ANO10: variants seen among roughly 807,000 people sequenced by gnomAD.
ANO10 encodes anoctamin-10.
Under a neutral mutation model 74.7 loss-of-function variants are expected in ANO10, and 77 were observed. The ratio of observed to expected loss-of-function variants is 1.03; its 90% CI spans 0.86 to 1.25. ANO10 has a LOEUF of 1.25. ANO10 is among the 50% of genes most tolerant of loss of function. The probability of loss-of-function intolerance (pLI) is 0.00; values close to 1 mark genes in which losing one functional copy is unlikely to be tolerated. For synonymous variants in ANO10, 279 were observed against 284.9 expected (o/e 0.98, Z 0.21); for missense variants, 721 against 778.1 (o/e 0.93, Z 0.87).
rs115275985 is a variant in ANO10 at position 43,621,630 on chromosome 3, C to A, written c.-12+279G>T. The A allele has an allele frequency of 8.9e-3, 1,363 of 152,798 alleles. 23 individuals are homozygous for A. The highest frequency in any genetic ancestry group is 0.03 in the African/African-American group (1,264 of 41,556). 9.5% of individuals were successfully genotyped at this position (152,798 alleles called of 1,614,324 possible). A position where few individuals can be genotyped will look rare whatever the true frequency, so the allele number is the denominator to read the frequency against. ...ACCGCCTTTCTCTCAGGACTCAAACCCTCGCCCCAGACCCATAATCCCCTC... is the reference window on the plus strand; with the variant it reads ...ACCGCCTTTCTCTCAGGACTCAAACACTCGCCCCAGACCCATAATCCCCTC... On this transcript the variant is annotated intron_variant, in intron 1 of 12. Coordinates refer to ENST00000292246, the MANE Select transcript of ANO10 (RefSeq NM_018075.5).
At chr3:43,690,870 A>C in intron 1 of ANO10, 3 of 1,061,886 alleles carry the variant, frequency 2.8e-6, no homozygotes, top group Non-Finnish European at 3.8e-6. Flanking sequence ...GGGCCGTGCT[A>C]GTGCGCGGAA....
rs772308698 is a variant in ANO10 at position 43,561,298 on chromosome 3, C to T, written c.1398G>A (p.Lys466=). Residue 466 remains lysine, a synonymous_variant, in exon 9 of 13, where the codon AAG becomes AAA. Transcript: ENST00000292246. ...QRKHGVRVKR[K]VQALKADIDA... Reference sequence around the variant, plus strand: ...CAATGTCTGCCTTTAAAGCCTGCACCTTCCTCTTCACCCGCACACCATGCT... The same window carrying T: ...CAATGTCTGCCTTTAAAGCCTGCACTTTCCTCTTCACCCGCACACCATGCT... 4 of 1,614,130 alleles carry T rather than the reference C, an allele frequency of 2.5e-6. 1 individual carries two copies. In the South Asian group the frequency reaches 3.3e-5, roughly 13 times the overall value.
intron 11 of ANO10, 113 bp from the exon 12 acceptor site, chr3:43,432,840 A>G: frequency 1.3e-6 from 1 of 782,436 alleles, no homozygotes; most frequent in Non-Finnish European, 2.2e-6. Flanking sequence ...GGTAATTTCT[A>G]AGTATTGGCC....
At chr3:43,540,691 C>A (rs537262577) in intron 11 of ANO10, among the ~76,000 whole-genome samples, 76 of 152,180 alleles carry the variant, frequency 5.0e-4, no homozygotes, top group Non-Finnish European at 9.1e-4. Context: ...CATCCTCACA[C>A]CAATGCCCAC....
intron 11 of ANO10, among the ~76,000 whole-genome samples, chr3:43,525,779 T>G (rs1241077306): frequency 6.6e-6 from 1 of 152,170 alleles, no homozygotes; most frequent in East Asian, 1.9e-4. Flanking sequence ...TTCAAATTTG[T>G]TCCTCTCCAT....
At chr3:43,543,788 C>T (rs998879718) in intron 11 of ANO10, among the ~76,000 whole-genome samples, 3 of 152,128 alleles carry the variant, frequency 2.0e-5, no homozygotes, top group African/African-American at 7.2e-5. Context: ...TTTTAAACCA[C>T]GAATTAAACA....
rs372142426 is a variant in ANO10 at position 43,691,126 on chromosome 3, G to A, written c.-12+391C>T. The A allele has an allele frequency of 1.4e-5, 18 of 1,305,996 alleles. No homozygotes were observed. In the South Asian group the frequency reaches 3.6e-4, roughly 26 times the overall value. The allele number at this position is 1,305,996 out of a possible 1,614,324, so 80.9% of individuals were successfully genotyped here. ...TTAGGGCCCAGCGGGCAGCACCAAG[G>A]AGTCGCCGCCCGCCTGGCGACGACG... On this transcript the variant is annotated intron_variant, in intron 1 of 3. Transcript: ENST00000413397.
chr3:43,600,298 A>G, intron 3 of ANO10, 86 bp downstream of exon 3: 1 of 1,498,668 alleles, frequency 6.7e-7, no homozygotes, highest in Admixed American at 1.7e-5. Flanking sequence ...CCTTTACTGA[A>G]AAAAGTTTGC....
chr3:43,541,886 CAGGGGAAGTGA>C (rs2078973074), intron 11 of ANO10, among the ~76,000 whole-genome samples: 1 of 152,104 alleles, frequency 6.6e-6, no homozygotes, highest in South Asian at 2.1e-4. Flanking sequence ...GAATGGAAGC[CAGGGGAAGTGA>C]AGGGGAAGGA....
intron 11 of ANO10, among the ~76,000 whole-genome samples, chr3:43,489,195 A>T (rs1003187065): frequency 6.8e-6 from 1 of 147,494 alleles, no homozygotes; most frequent in African/African-American, 2.5e-5. Flanking sequence ...GGGGAGGGAT[A>T]GCATTGGGAG....
chr3:43,481,917 CTTTTTTTTTCTTTTTTT>C lies in ANO10; in HGVS notation c.1798-49207_1798-49191del, dbSNP rs1355536139. ...GTATGTATTGATTGATGTCTTTTTT[CTTTTTTTTTCTTTTTTT>C]TTTTTTTTTTTGAGACAGAGTCTTG... On this transcript the variant is annotated intron_variant, in intron 11 of 12. Transcript: ENST00000292246. Among the ~76,000 whole-genome samples, 4 of 136,010 alleles carry C rather than the reference CTTTTTTTTTCTTTTTTT, an allele frequency of 2.9e-5. No individual in the cohort carries two copies. In the East Asian group the frequency reaches 9.3e-4, roughly 32 times the overall value. 89.2% of individuals were successfully genotyped at this position (136,010 alleles called of 152,430 possible).
intron 11 of ANO10, among the ~76,000 whole-genome samples, chr3:43,500,065 T>G (rs1463236982): frequency 6.6e-6 from 1 of 152,158 alleles, no homozygotes; most frequent in African/African-American, 2.4e-5. Flanking sequence ...CGGGCTGCTC[T>G]TGAACTCCTG....
intron 1 of ANO10, among the ~76,000 whole-genome samples, chr3:43,679,514 G>A (rs966275493): frequency 6.6e-6 from 1 of 152,210 alleles, no homozygotes; most frequent in African/African-American, 2.4e-5. Flanking sequence ...ACCTCTGGGG[G>A]CAGGGCATAG....
intron 1 of ANO10, among the ~76,000 whole-genome samples, chr3:43,643,466 G>C (rs905291135): frequency 1.3e-5 from 2 of 151,842 alleles, no homozygotes; most frequent in African/African-American, 4.9e-5. Flanking sequence ...TCTCAGTAGA[G>C]TATGTTATAA....
intron 1 of ANO10, among the ~76,000 whole-genome samples, chr3:43,673,003 C>T (rs999028352): frequency 2.6e-5 from 4 of 152,120 alleles, no homozygotes; most frequent in Non-Finnish European, 4.4e-5. Flanking sequence ...GTAAACAGTA[C>T]GATTACTAGT....
intron 12 of ANO10, among the ~76,000 whole-genome samples, chr3:43,367,739 T>C (rs142335763): frequency 1.3e-5 from 2 of 152,198 alleles, no homozygotes; most frequent in East Asian, 3.9e-4. Flanking sequence ...CCCAGTCACT[T>C]CGGTTTTATG....
At chr3:43,555,561 C>CA (rs939797555) in intron 9 of ANO10, 92 bp from the exon 10 acceptor site, 23 of 1,310,202 alleles carry the variant, frequency 1.8e-5, no homozygotes, top group Non-Finnish European at 2.1e-5. Context: ...TCTAACTATT[C>CA]AAAAAAACCT....
intron 12 of ANO10, among the ~76,000 whole-genome samples, chr3:43,414,192 G>A (rs1470512282): frequency 2.0e-5 from 3 of 152,126 alleles, no homozygotes; most frequent in Non-Finnish European, 4.4e-5. Context: ...AAAGAAGGGC[G>A]TTCAGATAAC....
At chr3:43,543,590 G>A (rs189190992) in intron 11 of ANO10, among the ~76,000 whole-genome samples, 42 of 152,084 alleles carry the variant, frequency 2.8e-4, no homozygotes, top group African/African-American at 8.4e-4. Flanking sequence ...GGGTTTCACC[G>A]TGTTAGCCAG....
Sources: gnomAD v4.1 joint callset for allele counts (sites outside exome capture counted in the v4.1 genomes callset) on GRCh38, gnomAD v4.1.1 for gene constraint, MANE v1.5 for transcripts, NCBI Gene and HGNC (gene_info 2026-07-23, HGNC 2026-07-21) for gene names.